MAP4K3: variants seen among roughly 807,000 people sequenced by gnomAD.
MAP4K3 encodes MAPK/ERK kinase kinase kinase 3.
A neutral mutation model predicts 143.5 loss-of-function variants in MAP4K3; 94 were observed. That is an observed-to-expected ratio of 0.65 (90% CI 0.55 to 0.78). The LOEUF (loss-of-function observed/expected upper bound fraction) is 0.78, where lower values mean the gene tolerates loss of function less well. MAP4K3 is among the 30% of genes least tolerant of loss of function. The probability of loss-of-function intolerance (pLI) is 0.00; values close to 1 mark genes in which losing one functional copy is unlikely to be tolerated. For synonymous variants in MAP4K3, 416 were observed against 347.2 expected, an observed-to-expected ratio of 1.20 and a Z score of -2.20; for missense variants, 1,077 against 1,068.1, an observed-to-expected ratio of 1.01 and a Z score of -0.12.
At chr2:39,260,006 C>T (rs1680502432) in intron 29 of MAP4K3, among the ~76,000 whole-genome samples, 2 of 152,090 alleles carry the variant, frequency 1.3e-5, no homozygotes, top group South Asian at 4.1e-4. Flanking sequence ...ACCAAATATA[C>T]ATACCAATAA....
At chr2:39,301,105 T>G (rs1423131438) in intron 15 of MAP4K3, among the ~76,000 whole-genome samples, 1 of 152,154 alleles carries the variant, frequency 6.6e-6, no homozygotes, top group Non-Finnish European at 1.5e-5. Context: ...GAGAAGCACT[T>G]TAAAATTTAA....
chr2:39,260,766 A>C lies in MAP4K3; in HGVS notation c.2148T>G (p.Phe716Leu). 6.2e-7 allele frequency: 1 copy of C among 1,610,114 alleles called. No individual in the cohort carries two copies. Among genetic ancestry groups the C allele is most frequent in the East Asian group, 2.2e-5 (1 of 44,832 alleles). ...ACATTCTAAGTGGACATGGTATAGG[A>C]AAATCTATGTGCTAGAGAAAGAAAC... ...QKFMLIKHID[F>L]PIPCPLRMFE... is the part of the protein sequence containing the mutation. Residue 716 changes from phenylalanine (F) to leucine (L), a missense_variant, in exon 29 of 34, where the codon TTT (phenylalanine) becomes TTG (leucine). Around this residue, in one of 2 missense-constraint regions of MAP4K3, gnomAD observed 864 missense variants for 801.2 expected, o/e 1.08. Coordinates refer to ENST00000263881, the MANE Select transcript of MAP4K3 (RefSeq NM_003618.4).
At chr2:39,279,521 G>A (rs921870678) in intron 23 of MAP4K3, among the ~76,000 whole-genome samples, 9 of 152,148 alleles carry the variant, frequency 5.9e-5, no homozygotes, top group Non-Finnish European at 1.2e-4. Flanking sequence ...TACAGTGAGA[G>A]GACACAGACA....
At chr2:39,431,528 G>A (rs888533694) in intron 1 of MAP4K3, among the ~76,000 whole-genome samples, 1 of 152,142 alleles carries the variant, frequency 6.6e-6, no homozygotes, top group Non-Finnish European at 1.5e-5. Flanking sequence ...GGTGGGAGAA[G>A]TGCTGTTTTT....
At chr2:39,378,500 C>A (rs1162980845) in intron 1 of MAP4K3, among the ~76,000 whole-genome samples, 1 of 152,172 alleles carries the variant, frequency 6.6e-6, no homozygotes, top group African/African-American at 2.4e-5. Context: ...CAAGGTCATA[C>A]AGCCAGTGAG....
chr2:39,394,933 ACT>A (rs760164932), intron 1 of MAP4K3, among the ~76,000 whole-genome samples: 9 of 152,148 alleles, frequency 5.9e-5, no homozygotes, highest in Non-Finnish European at 1.2e-4. Flanking sequence ...AATCCATCAG[ACT>A]CTAATTATTC....
At chr2:39,434,810 T>C (rs549257532) in intron 1 of MAP4K3, among the ~76,000 whole-genome samples, 13 of 152,368 alleles carry the variant, frequency 8.5e-5, no homozygotes, top group Admixed American at 5.9e-4. Flanking sequence ...TAGGATTAAT[T>C]AGAAAAATCT....
At chr2:39,333,508 G>T (rs75659962) in intron 7 of MAP4K3, 24 bp downstream of exon 7, 2 of 1,576,960 alleles carry the variant, frequency 1.3e-6, no homozygotes, top group South Asian at 1.1e-5. Flanking sequence ...ATTTGTGCAC[G>T]TGACAAAATT....
At position 39,379,558 on chromosome 2, in the gene MAP4K3, C is replaced by T. The variant is rs112466296; in HGVS notation, c.97-1435G>A. Among the ~76,000 whole-genome samples the T allele has an allele frequency of 1.3e-3, 200 of 152,140 alleles. 3 individuals are homozygous for T. The highest frequency in any genetic ancestry group is 4.7e-3 in the African/African-American group (194 of 41,542). ...TAAAACCAGAATATCATTCTGGGAG[C>T]ATTCTGTAAAGGAGGCAGAGTGTAT... On this transcript the variant is annotated intron_variant, in intron 1 of 33. Transcript: ENST00000263881.
chr2:39,286,749 A>G, intron 21 of MAP4K3, 103 bp downstream of exon 21: 1 of 460,476 alleles, frequency 2.2e-6, no homozygotes, highest in Non-Finnish European at 3.7e-6. Context: ...TAGTAATTGT[A>G]AAATATACTA....
intron 1 of MAP4K3, among the ~76,000 whole-genome samples, chr2:39,397,213 T>C (rs1185680066): frequency 6.6e-6 from 1 of 152,168 alleles, no homozygotes; most frequent in African/African-American, 2.4e-5. Context: ...TCCTATATAG[T>C]ACTCACCAAC....
At chr2:39,417,763 T>C (rs1408083264) in intron 1 of MAP4K3, among the ~76,000 whole-genome samples, 1 of 152,154 alleles carries the variant, frequency 6.6e-6, no homozygotes, top group African/African-American at 2.4e-5. Flanking sequence ...ACAGCAAACA[T>C]ACTCAGAGCC....
At chr2:39,332,777 A>T (rs1473981355) in intron 7 of MAP4K3, among the ~76,000 whole-genome samples, 1 of 152,022 alleles carries the variant, frequency 6.6e-6, no homozygotes, top group Non-Finnish European at 1.5e-5. Context: ...AATTTTTATT[A>T]TATGTTAATT....
chr2:39,430,209 T>G (rs1665243052), intron 1 of MAP4K3, among the ~76,000 whole-genome samples: 1 of 152,238 alleles, frequency 6.6e-6, no homozygotes, highest in Non-Finnish European at 1.5e-5. Flanking sequence ...AAGAGGAGAT[T>G]CTTTGAGCAA....
intron 3 of MAP4K3, among the ~76,000 whole-genome samples, chr2:39,353,306 A>T (rs1665511161): frequency 6.6e-6 from 1 of 152,236 alleles, no homozygotes; most frequent in Non-Finnish European, 1.5e-5. Context: ...AACTTCAATT[A>T]GGGAATAAGG....
chr2:39,357,444 C>A (rs558533580), intron 2 of MAP4K3, among the ~76,000 whole-genome samples: 1 of 152,334 alleles, frequency 6.6e-6, no homozygotes, highest in East Asian at 1.9e-4. Flanking sequence ...CCTGACATTT[C>A]TGGCCTTGGC....
rs913698033 is a variant in MAP4K3, at chr2:39,307,944, A to G, written c.1118T>C (p.Leu373Pro). 11 of 1,556,210 alleles carry G rather than the reference A, an allele frequency of 7.1e-6. No homozygotes were observed. Among genetic ancestry groups the G allele is most frequent in the Non-Finnish European group, 9.6e-6 (11 of 1,151,214 alleles). ...EEIYYTARSN[L>P]DLQLEYGQGH... ...AGAAAATCAGAAGATGAGAAATACC[A>G]GATTAGATCTTGCAGTGTAGTATAT... is the stretch of plus-strand genomic sequence containing the variant. Residue 373 changes from leucine to proline, a missense_variant and splice_region_variant, in exon 15 of 34, where the codon CTG (leucine) becomes CCG (proline). By Grantham distance (98) the Leu-to-Pro change is moderately conservative. Around this residue, in one of 2 missense-constraint regions of MAP4K3, gnomAD observed 864 missense variants for 801.2 expected, o/e 1.08. Coordinates refer to ENST00000263881, the MANE Select transcript of MAP4K3 (RefSeq NM_003618.4).
At chr2:39,270,749 T>C (rs1236264698) in intron 26 of MAP4K3, among the ~76,000 whole-genome samples, 1 of 152,168 alleles carries the variant, frequency 6.6e-6, no homozygotes, top group Non-Finnish European at 1.5e-5. Flanking sequence ...AGGCTCTTTA[T>C]CATCAGATTA....
At chr2:39,320,835 T>C (rs891610444) in intron 12 of MAP4K3, among the ~76,000 whole-genome samples, 2 of 152,186 alleles carry the variant, frequency 1.3e-5, no homozygotes, top group African/African-American at 4.8e-5. Context: ...TGTATTACCT[T>C]TGAAGGAGAT....
Sources: gnomAD v4.1 joint callset for allele counts (sites outside exome capture counted in the v4.1 genomes callset) on GRCh38, gnomAD v4.1.1 for gene constraint, gnomAD v4.1.1 regional missense constraint, MANE v1.5 for transcripts, NCBI Gene and HGNC (gene_info 2026-07-23, HGNC 2026-07-21) for gene names.